MTHFS: variants seen among roughly 807,000 people sequenced by gnomAD.
MTHFS encodes the protein 5-formyltetrahydrofolate cyclo-ligase.
Under a neutral mutation model 12.7 loss-of-function variants are expected in MTHFS, and 7 were observed. The ratio of observed to expected loss-of-function variants is 0.55; its 90% CI spans 0.31 to 1.03. The LOEUF (loss-of-function observed/expected upper bound fraction) is 1.03, where lower values mean the gene tolerates loss of function less well. Ranked by LOEUF, MTHFS falls within the 50% of genes least tolerant of loss-of-function variation. The pLI is 0.05. For synonymous variants in MTHFS, 100 were observed against 97.1 expected (o/e 1.03, Z -0.18); for missense variants, 252 against 258.1 (o/e 0.98, Z 0.16).
intron 2 of MTHFS, among the ~76,000 whole-genome samples, chr15:79,868,453 T>C (rs191802248): frequency 1.3e-4 from 20 of 152,306 alleles, no homozygotes; most frequent in Admixed American, 2.6e-4. Context: ...AGGAGAGGTA[T>C]TTCTTGGTGT....
At chr15:79,857,891 C>T (rs1375343837) in intron 2 of MTHFS, among the ~76,000 whole-genome samples, 1 of 151,904 alleles carries the variant, frequency 6.6e-6, no homozygotes, top group East Asian at 1.9e-4. Flanking sequence ...TGGCGCGTGC[C>T]TGTAATCCCA....
chr15:79,890,877 T>C (rs1435409547), intron 1 of MTHFS, among the ~76,000 whole-genome samples: 2 of 152,194 alleles, frequency 1.3e-5, no homozygotes, highest in Non-Finnish European at 2.9e-5. Context: ...CCTGGGGCTT[T>C]TGGCATCCAA....
chr15:79,867,160 A>G lies in MTHFS; in HGVS notation c.380-21718T>C, dbSNP rs564429577. ...AAATAGCCTAATACATCTTTTAAAC[A>G]TTCCTATCCAAACTGGTTCAGGTAT... On this transcript the variant is annotated intron_variant, in intron 2 of 2. Coordinates refer to ENST00000258874, the MANE Select transcript of MTHFS (RefSeq NM_006441.4). Among the ~76,000 whole-genome samples, 8 of 152,296 alleles carry G rather than the reference A, an allele frequency of 5.3e-5. No homozygotes were observed. The South Asian group carries it at 1.7e-3, about 32-fold the overall frequency.
chr15:79,880,299 C>A (rs758705605), intron 2 of MTHFS, among the ~76,000 whole-genome samples: 12 of 152,124 alleles, frequency 7.9e-5, no homozygotes, highest in Non-Finnish European at 1.3e-4. Context: ...CCAGGATGGT[C>A]TCGATCTCCT....
chr15:79,872,821 G>A (rs1312105604), intron 2 of MTHFS, among the ~76,000 whole-genome samples: 4 of 152,082 alleles, frequency 2.6e-5, no homozygotes, highest in Non-Finnish European at 4.4e-5. Flanking sequence ...GGTTTCTGCC[G>A]GTTTCTCCAT....
At chr15:79,867,093 C>A (rs1414604737) in intron 2 of MTHFS, among the ~76,000 whole-genome samples, 1 of 152,178 alleles carries the variant, frequency 6.6e-6, no homozygotes, top group African/African-American at 2.4e-5. Context: ...TCCAGCCTCC[C>A]CTAACTCACC....
chr15:79,878,916 T>C (rs1301211509), intron 2 of MTHFS, among the ~76,000 whole-genome samples: 1 of 151,026 alleles, frequency 6.6e-6, no homozygotes, highest in Non-Finnish European at 1.5e-5. Context: ...AATAATAACA[T>C]AAATGGGGAA....
chr15:79,847,270 T>C (rs1358339500), intron 2 of MTHFS, among the ~76,000 whole-genome samples: 1 of 151,732 alleles, frequency 6.6e-6, no homozygotes, highest in Non-Finnish European at 1.5e-5. Flanking sequence ...ACCTGAGGAG[T>C]AGCAGAAGAC....
At chr15:79,864,547 C>CAAAAAAAAAAAAAAAAAAAAAAAAAAAA (rs58698908) in intron 2 of MTHFS, among the ~76,000 whole-genome samples, 2 of 64,514 alleles carry the variant, frequency 3.1e-5, no homozygotes, top group African/African-American at 1.5e-4. Context: ...TCCATCTCAA[C>CAAAAAAAAAAAAAAAAAAAAAAAAAAAA]AAAAAAAAAA....
At chr15:79,876,534 A>G in intron 2 of MTHFS, 1 of 150,426 alleles carries the variant, frequency 6.6e-6, no homozygotes, top group Non-Finnish European at 1.5e-5. Flanking sequence ...AGAATGGTGT[A>G]AACCCAGAAG....
At chr15:79,889,045 C>A in intron 2 of MTHFS, 48 bp downstream of exon 2, 1 of 1,598,098 alleles carries the variant, frequency 6.3e-7, no homozygotes, top group South Asian at 1.1e-5. Flanking sequence ...GATCTGAGAT[C>A]TAACAACTGG....
At chr15:79,845,980 C>T (rs752809408) in intron 2 of MTHFS, among the ~76,000 whole-genome samples, 2 of 152,174 alleles carry the variant, frequency 1.3e-5, no homozygotes, top group African/African-American at 2.4e-5. Flanking sequence ...GCCGGGCTTC[C>T]CCAGACTCGT....
At chr15:79,896,672 T>C (rs1285348931) in intron 1 of MTHFS, 200 bp downstream of exon 1, 2 of 976,008 alleles carry the variant, frequency 2.0e-6, no homozygotes, top group African/African-American at 3.5e-5. Context: ...TACCGGGCCC[T>C]CTCCCCGCCA....
At chr15:79,854,577 T>C (rs1334586608) in intron 2 of MTHFS, among the ~76,000 whole-genome samples, 1 of 152,226 alleles carries the variant, frequency 6.6e-6, no homozygotes, top group Non-Finnish European at 1.5e-5. Context: ...TTATTATCAG[T>C]GGTTACTCCT....
intron 2 of MTHFS, among the ~76,000 whole-genome samples, chr15:79,879,321 C>CTTTTTTTTTTTTTTTTTTTTT (rs565488885): frequency 1.3e-5 from 1 of 79,336 alleles, no homozygotes; most frequent in Non-Finnish European, 2.3e-5. Context: ...AATTATTACC[C>CTTTTTTTTTTTTTTTTTTTTT]TTTTTTTTTT....
At chr15:79,864,542 C>A (rs1011160480) in intron 2 of MTHFS, among the ~76,000 whole-genome samples, 62 of 64,878 alleles carry the variant, frequency 9.6e-4, no homozygotes, top group Non-Finnish European at 7.0e-4. Context: ...GAGACTCCAT[C>A]TCAACAAAAA....
intron 2 of MTHFS, among the ~76,000 whole-genome samples, chr15:79,864,547 CAAAAAAAAAAAAAAAAA>C (rs58698908): frequency 4.7e-5 from 3 of 64,510 alleles, no homozygotes; most frequent in Non-Finnish European, 2.7e-5. Flanking sequence ...TCCATCTCAA[CAAAAAAAAAAAAAAAAA>C]AAAAAAAAAA....
upstream of MTHFS, chr15:79,897,107 A>T: frequency 2.1e-6 from 2 of 970,978 alleles, no homozygotes; most frequent in Non-Finnish European, 2.8e-6. Flanking sequence ...GGGCTCGGGG[A>T]AGCGCCCCCA....
At chr15:79,887,133 G>A (rs1464682235) in intron 2 of MTHFS, among the ~76,000 whole-genome samples, 2 of 152,114 alleles carry the variant, frequency 1.3e-5, no homozygotes, top group African/African-American at 2.4e-5. Context: ...ACTGAGGCAG[G>A]AGAATCACTT....
Sources: gnomAD v4.1 joint callset for allele counts (sites outside exome capture counted in the v4.1 genomes callset) on GRCh38, gnomAD v4.1.1 for gene constraint, MANE v1.5 for transcripts, NCBI Gene and HGNC (gene_info 2026-07-23, HGNC 2026-07-21) for gene names.